Variants in IL1RAPL2 observed in about 807,000 individuals in gnomAD.
The protein encoded by IL1RAPL2 is interleukin 1 receptor accessory protein like 2, also known as X-linked interleukin-1 receptor accessory protein-like 2.
In IL1RAPL2, 3 loss-of-function variants were observed where a neutral mutation model predicts 44.1. The observed-to-expected ratio is 0.07, with a 90% CI of 0.03 to 0.18. The LOEUF is 0.18. Ranked by LOEUF, IL1RAPL2 falls within the 10% of genes least tolerant of loss-of-function variation. The pLI is 1.00. For missense variants in IL1RAPL2, 391 were observed against 496.4 expected, an observed-to-expected ratio of 0.79 and a Z score of 2.02; for synonymous variants, 181 against 178.8, an observed-to-expected ratio of 1.01 and a Z score of -0.10.
At chrX:104,890,341 T>C (rs1923389179) in intron 2 of IL1RAPL2, among the ~76,000 whole-genome samples, 3 of 111,772 alleles carry the variant, frequency 2.7e-5, no homozygotes, top group East Asian at 2.8e-4. Context: ...TCAAATGGTA[T>C]TTCTAGTTCT....
chrX:104,676,518 T>C (rs190034770), intron 2 of IL1RAPL2, among the ~76,000 whole-genome samples: 6,015 of 111,828 alleles, frequency 0.054, 430 homozygotes, highest in African/African-American at 0.19. Flanking sequence ...CCTTTCTCTC[T>C]GGCTGCCCTT....
At chrX:105,304,001 G>T (rs1274486444) in intron 5 of IL1RAPL2, among the ~76,000 whole-genome samples, 1 of 112,831 alleles carries the variant, frequency 8.9e-6, no homozygotes, top group Non-Finnish European at 1.9e-5. Flanking sequence ...TGCCCTGCCA[G>T]CAAGTGAGGC....
At chrX:104,609,628 C>T (rs986251204) in intron 1 of IL1RAPL2, among the ~76,000 whole-genome samples, 4 of 111,068 alleles carry the variant, frequency 3.6e-5, no homozygotes, top group East Asian at 2.8e-4. Flanking sequence ...TCCTTTTTTC[C>T]GCTTGATCGA....
chrX:105,417,809 T>A (rs2035745248), intron 5 of IL1RAPL2, among the ~76,000 whole-genome samples: 1 of 111,961 alleles, frequency 8.9e-6, no homozygotes, highest in Non-Finnish European at 1.9e-5. Flanking sequence ...TAGCCTACAT[T>A]TATAGACTCT....
At chrX:104,591,129 T>C (rs922052850) in intron 1 of IL1RAPL2, among the ~76,000 whole-genome samples, 2 of 111,925 alleles carry the variant, frequency 1.8e-5, no homozygotes, top group Admixed American at 1.9e-4. Flanking sequence ...CTAGAAACTA[T>C]CTTACTTTTT....
intron 6 of IL1RAPL2, among the ~76,000 whole-genome samples, chrX:105,547,617 G>A (rs770351048): frequency 6.3e-5 from 7 of 111,936 alleles, no homozygotes; most frequent in Non-Finnish European, 9.4e-5. Context: ...TCGAGTAATT[G>A]TCTAATCTGG....
chrX:104,668,515 G>C (rs1254618428), intron 2 of IL1RAPL2, among the ~76,000 whole-genome samples: 6 of 84,431 alleles, frequency 7.1e-5, no homozygotes, highest in African/African-American at 2.4e-4. Flanking sequence ...TGTGATGCTC[G>C]TGTTTCTGTT....
intron 2 of IL1RAPL2, among the ~76,000 whole-genome samples, chrX:104,775,231 T>C (rs891884710): frequency 9.8e-5 from 11 of 112,636 alleles, no homozygotes; most frequent in African/African-American, 3.5e-4. Context: ...ACTTCAGTTA[T>C]CTTACAAGCT....
At chrX:105,142,621 C>T (rs59435216) in intron 2 of IL1RAPL2, among the ~76,000 whole-genome samples, 6,605 of 106,141 alleles carry the variant, frequency 0.062, 528 homozygotes, top group African/African-American at 0.23. Flanking sequence ...CTTTCACATT[C>T]TTTTTTTTCT....
At chrX:105,739,165 C>T (rs868083179) in intron 7 of IL1RAPL2, among the ~76,000 whole-genome samples, 1 of 111,123 alleles carries the variant, frequency 9.0e-6, no homozygotes, top group Non-Finnish European at 1.9e-5. Context: ...AACCTATACT[C>T]CTACAGATTT....
chrX:104,782,249 TCCACCATA>T (rs1211546448), intron 2 of IL1RAPL2, among the ~76,000 whole-genome samples: 1 of 111,315 alleles, frequency 9.0e-6, no homozygotes, highest in Non-Finnish European at 1.9e-5. Context: ...CAACTGGTAG[TCCACCATA>T]CCACCATAGT....
At chrX:105,417,462 G>C (rs1485443258) in intron 5 of IL1RAPL2, among the ~76,000 whole-genome samples, 2 of 112,806 alleles carry the variant, frequency 1.8e-5, no homozygotes, top group Non-Finnish European at 3.7e-5. Context: ...AACAGAACGA[G>C]CCTTCGTCTC....
intron 5 of IL1RAPL2, among the ~76,000 whole-genome samples, chrX:105,341,493 C>A (rs1290578372): frequency 2.7e-5 from 3 of 111,631 alleles, no homozygotes; most frequent in Non-Finnish European, 3.8e-5. Flanking sequence ...TGGAAGGTTA[C>A]CAGAATTAAC....
At chrX:105,325,813 C>A (rs1223768589) in intron 5 of IL1RAPL2, among the ~76,000 whole-genome samples, 1 of 109,629 alleles carries the variant, frequency 9.1e-6, no homozygotes, top group East Asian at 2.9e-4. Context: ...ATTTGCATTT[C>A]CCTGATGACT....
intron 5 of IL1RAPL2, among the ~76,000 whole-genome samples, chrX:105,479,878 T>G (rs1006712598): frequency 1.9e-4 from 21 of 111,933 alleles, no homozygotes; most frequent in African/African-American, 2.3e-4. Flanking sequence ...GAGTTTATCC[T>G]CCTGTAAATG....
chrX:104,626,317 T>C (rs910692566), intron 1 of IL1RAPL2, among the ~76,000 whole-genome samples: 2 of 109,022 alleles, frequency 1.8e-5, no homozygotes, highest in Non-Finnish European at 3.8e-5. Context: ...TGTGTGCGTG[T>C]GTGTGTGTGT....
At chrX:105,461,516 TC>T (rs1331747057) in intron 5 of IL1RAPL2, among the ~76,000 whole-genome samples, 1 of 111,065 alleles carries the variant, frequency 9.0e-6, no homozygotes, top group Non-Finnish European at 1.9e-5. Flanking sequence ...CTAAAAAAAA[TC>T]TGAACACAAA....
intron 2 of IL1RAPL2, among the ~76,000 whole-genome samples, chrX:105,166,168 C>T (rs1265292185): frequency 9.0e-6 from 1 of 111,197 alleles, no homozygotes; most frequent in African/African-American, 3.3e-5. Flanking sequence ...ATGGTAAGCC[C>T]ATTGTATTAT....
At chrX:105,596,200 G>T (rs377517949) in intron 6 of IL1RAPL2, among the ~76,000 whole-genome samples, 14 of 108,474 alleles carry the variant, frequency 1.3e-4, no homozygotes, top group African/African-American at 3.4e-4. Flanking sequence ...TTTTACTTTT[G>T]CTATTCTTTT....
Sources: gnomAD v4.1 joint callset for allele counts (sites outside exome capture counted in the v4.1 genomes callset) on GRCh38, gnomAD v4.1.1 for gene constraint, MANE v1.5 for transcripts, NCBI Gene and HGNC (gene_info 2026-07-23, HGNC 2026-07-21) for gene names.